Variants in YTHDC1 observed in about 807,000 individuals in gnomAD.
YTHDC1 encodes the protein YTH N6-methyladenosine RNA binding protein C1.
YTHDC1 carries 12 observed loss-of-function variants against 107.0 expected under a neutral mutation model. The ratio of observed to expected loss-of-function variants is 0.11; its 90% CI spans 0.07 to 0.18. The LOEUF (loss-of-function observed/expected upper bound fraction) is 0.18, where lower values mean the gene tolerates loss of function less well. Among genes scored for constraint, YTHDC1 ranks in the 10% least tolerant of loss-of-function variants. The pLI is 1.00. For synonymous variants in YTHDC1, 280 were observed against 289.5 expected (o/e 0.97, Z 0.33); for missense variants, 635 against 898.8 (o/e 0.71, Z 3.75).
At position 68,337,841 on chromosome 4, in the gene YTHDC1, C is replaced by A; in HGVS notation, c.190G>T (p.Val64Phe). The change falls in exon 3 of 17, where the codon GTC becomes TTC. Residue 64 changes from valine to phenylalanine, a missense_variant. Around this residue, in one of 5 missense-constraint regions of YTHDC1, gnomAD observed 294 missense variants for 312.3 expected, o/e 0.94. Coordinates refer to ENST00000344157, the MANE Select transcript of YTHDC1 (RefSeq NM_001031732.4). ...TTAGAAACCAGTTGTCTAGAATGGA[C>A]AGAAGGCTTTTGTCGTTTGGTATCA... ...STDTKRQKPSVHSRQLVSKPL... is the reference protein window; with the variant it reads ...STDTKRQKPSFHSRQLVSKPL... 1 of 1,613,444 alleles carries A rather than the reference C, an allele frequency of 6.2e-7. No homozygotes were observed. Among genetic ancestry groups the A allele is most frequent in the Non-Finnish European group, 8.5e-7 (1 of 1,179,968 alleles).
intron 4 of YTHDC1, among the ~76,000 whole-genome samples, chr4:68,334,518 A>G (rs1723938792): frequency 6.6e-6 from 1 of 152,178 alleles, no homozygotes; most frequent in African/African-American, 2.4e-5. Flanking sequence ...TTGAGCAAGT[A>G]GAAAGGATGT....
At chr4:68,333,581 G>A (rs980015342) in intron 4 of YTHDC1, among the ~76,000 whole-genome samples, 184 bp from the exon 5 acceptor site, 3 of 151,974 alleles carry the variant, frequency 2.0e-5, no homozygotes, top group African/African-American at 4.8e-5. Flanking sequence ...AAAAGTACGG[G>A]CATCTTGTTT....
At chr4:68,327,393 G>A (rs1018646352) in intron 9 of YTHDC1, among the ~76,000 whole-genome samples, 10 of 147,970 alleles carry the variant, frequency 6.8e-5, no homozygotes, top group Non-Finnish European at 1.0e-4. Context: ...ATTACAGGTG[G>A]CAACCTTAAT....
At chr4:68,348,217 T>C (rs1351443003) in intron 1 of YTHDC1, among the ~76,000 whole-genome samples, 1 of 152,216 alleles carries the variant, frequency 6.6e-6, no homozygotes, top group Non-Finnish European at 1.5e-5. Flanking sequence ...TAACGACTTG[T>C]AAATATTTTC....
Position 68,322,505 on chromosome 4 carries a change from A to G in YTHDC1, c.1601+244T>C. The G allele has an allele frequency of 2.1e-6, 1 of 485,338 alleles. No homozygotes were observed. 30.1% of individuals were successfully genotyped at this position (485,338 alleles called of 1,614,324 possible). A position where few individuals can be genotyped will look rare whatever the true frequency, so the allele number is the denominator to read the frequency against. On this transcript the variant is annotated intron_variant, in intron 11 of 16. Coordinates refer to ENST00000344157, the MANE Select transcript of YTHDC1 (RefSeq NM_001031732.4). This position sits in a 1 kb window ranked among gnomAD's most constrained non-coding sequence, Gnocchi z 4.8. ...TATTATCAGAGTATTATCTAATCTA[A>G]ACTGGTTATCACTGGTTATACTTTT...
At position 68,337,044 on chromosome 4, in the gene YTHDC1, G is replaced by A; in HGVS notation, c.866C>T (p.Ser289Leu). ...AGTAGTACCTGATCCATCTGTGCCT[G>A]AACCAGATCTGACAGACCCATCTGT... ...SFTDGSVRSG[S>L]GTDGSDEKKK... The change falls in exon 4 of 17, where the codon TCA becomes TTA. Residue 289 changes from serine (S) to leucine (L), a missense_variant. This residue lies in a region of YTHDC1 where 294 missense variants were observed against 312.3 expected (regional missense o/e 0.94). Coordinates refer to ENST00000344157, the MANE Select transcript of YTHDC1 (RefSeq NM_001031732.4). 1 of 1,611,966 alleles carries A rather than the reference G, an allele frequency of 6.2e-7. No homozygotes were observed.
rs564788386 is a variant in YTHDC1 at position 68,333,127 on chromosome 4, TAACAG to T, written c.973+176_973+180del. ...AAAAGTGAAAATTCCACTTAAGCAGTAACAGAACAGGATTAAAATAATAAGAAAAA... is the reference window on the plus strand; with the variant it reads ...AAAAGTGAAAATTCCACTTAAGCAGTAACAGGATTAAAATAATAAGAAAAA... On this transcript the variant is annotated intron_variant, in intron 5 of 16. Coordinates refer to ENST00000344157, the MANE Select transcript of YTHDC1 (RefSeq NM_001031732.4). 1.4e-4 allele frequency among the ~76,000 whole-genome samples: 21 copies of T among 152,220 alleles called. No homozygotes were observed. In the South Asian group the frequency reaches 3.9e-3, roughly 29 times the overall value.
chr4:68,333,699 A>T (rs1001018962), intron 4 of YTHDC1, among the ~76,000 whole-genome samples: 1 of 152,104 alleles, frequency 6.6e-6, no homozygotes, highest in African/African-American at 2.4e-5. Context: ...CGGGGGGGGA[A>T]ATTTGCAAAG....
intron 1 of YTHDC1, 54 bp downstream of exon 1, chr4:68,349,672 C>A: frequency 1.6e-6 from 2 of 1,218,372 alleles, no homozygotes; most frequent in South Asian, 2.4e-5. Context: ...TGCTCCATCA[C>A]CCCACTCCCG....
chr4:68,340,655 A>G (rs1724711163), intron 1 of YTHDC1, among the ~76,000 whole-genome samples: 2 of 152,130 alleles, frequency 1.3e-5, no homozygotes, highest in Non-Finnish European at 2.9e-5. Context: ...TAGATCCAAC[A>G]GGTCTTCACA....
chr4:68,337,911 C>T lies in YTHDC1; in HGVS notation c.131-11G>A. 1 of 1,572,232 alleles carries T rather than the reference C, an allele frequency of 6.4e-7. No homozygotes were observed. The highest frequency in any genetic ancestry group is 1.9e-5 in the Admixed American group (1 of 52,656). ...TTTTTCTTTTTGATCCTTTAAAATA[C>T]AATGTAAAAAAAAAAAAAAGAAGTA... is the stretch of plus-strand genomic sequence containing the variant. On this transcript the variant is annotated splice_polypyrimidine_tract_variant and intron_variant, in intron 2 of 16. Transcript: ENST00000344157.
At chr4:68,323,912 C>T (rs566789603) in intron 10 of YTHDC1, among the ~76,000 whole-genome samples, 20 of 152,248 alleles carry the variant, frequency 1.3e-4, no homozygotes, top group African/African-American at 4.6e-4. Flanking sequence ...GAAATATTTC[C>T]TTCAATTGTA....
intron 12 of YTHDC1, 115 bp from the exon 13 acceptor site, chr4:68,318,977 G>A: frequency 1.9e-6 from 2 of 1,069,148 alleles, no homozygotes; most frequent in South Asian, 1.4e-5. Flanking sequence ...TGTACTTTAA[G>A]TGATGCTACT....
rs550713512 is a variant in YTHDC1, at chr4:68,342,068, A to G, written c.29-3684T>C. ...ACAAAACAAAATTCCTTCTTCAACA[A>G]AACAGGTATGGTATATGCATACATG... is the stretch of plus-strand genomic sequence containing the variant. On this transcript the variant is annotated intron_variant, in intron 1 of 16. Coordinates refer to ENST00000344157, the MANE Select transcript of YTHDC1 (RefSeq NM_001031732.4). Among the ~76,000 whole-genome samples, 3 of 152,300 alleles carry G rather than the reference A, an allele frequency of 2.0e-5. No homozygotes were observed. In the South Asian group the frequency reaches 6.2e-4, roughly 32 times the overall value.
rs147599097 is a variant in YTHDC1, at chr4:68,333,326, C to T, written c.955G>A (p.Ala319Thr). ...PIVFDRSGSSASESYAGSEKK... is the reference protein window; with the variant it reads ...PIVFDRSGSSTSESYAGSEKK... ...AGAATACCTGCATATGACTCTGATG[C>T]AGAGCTTCCACTTCTATCAAAAACA... Residue 319 changes from alanine to threonine, a missense_variant, in exon 5 of 17, where the codon GCA (alanine) becomes ACA (threonine). Ala to Thr is a moderately conservative substitution (Grantham distance 58). Transcript: ENST00000344157. 1.9e-6 allele frequency: 3 copies of T among 1,612,424 alleles called. No homozygotes were observed. Among genetic ancestry groups the T allele is most frequent in the Non-Finnish European group, 2.5e-6 (3 of 1,178,902 alleles).
rs1296772574 is a variant in YTHDC1, at chr4:68,337,145, T to G, written c.765A>C (p.Arg255Ser). The change falls in exon 4 of 17, where the codon AGA becomes AGC. Residue 255 changes from arginine to serine, a missense_variant. By Grantham distance (110) the Arg-to-Ser change is moderately radical. Coordinates refer to ENST00000344157, the MANE Select transcript of YTHDC1 (RefSeq NM_001031732.4). ...EEEEEYEQDE[R>S]DQKEEGNDYD... ...AATCATTTCCCTCCTCTTTCTGGTC[T>G]CTCTCATCCTGTTCATATTCTTCTT... 6.2e-7 allele frequency: 1 copy of G among 1,613,900 alleles called. No homozygotes were observed. The highest frequency in any genetic ancestry group is 8.5e-7 in the Non-Finnish European group (1 of 1,179,992).
intron 1 of YTHDC1, among the ~76,000 whole-genome samples, chr4:68,347,108 A>G (rs1725534377): frequency 1.3e-5 from 2 of 152,218 alleles, no homozygotes; most frequent in Non-Finnish European, 2.9e-5. Context: ...GTATACAAAG[A>G]ACCCAGTGAA....
At chr4:68,347,062 C>G (rs142506386) in intron 1 of YTHDC1, among the ~76,000 whole-genome samples, 1 of 152,230 alleles carries the variant, frequency 6.6e-6, no homozygotes, top group Non-Finnish European at 1.5e-5. Flanking sequence ...TGAAGTCCAA[C>G]CTGGTAAATA....
Position 68,310,619 on chromosome 4 carries a change from GC to G in YTHDC1, c.*3479del, listed in dbSNP as rs1293807429. ...TAAGGAACTTGGGGACTAAACTTGA[GC>G]CAGTTCTTTCCTGTGTGCCTCAATT... On this transcript the variant is annotated 3_prime_UTR_variant, in exon 17 of 17. Coordinates refer to ENST00000344157, the MANE Select transcript of YTHDC1 (RefSeq NM_001031732.4). The G allele has an allele frequency of 6.6e-6, 1 of 152,182 alleles. No homozygotes were observed. Among genetic ancestry groups the G allele is most frequent in the African/African-American group, 2.4e-5 (1 of 41,426 alleles). The allele number at this position is 152,182 out of a possible 1,614,324, so 9.4% of individuals were successfully genotyped here.
Sources: allele counts gnomAD v4.1 joint callset (sites outside exome capture counted in the v4.1 genomes callset), GRCh38; gene constraint gnomAD v4.1.1; regional missense constraint gnomAD v4.1.1; non-coding constraint Gnocchi (gnomAD v3.1); transcripts MANE v1.5; gene names NCBI Gene and HGNC (gene_info 2026-07-23, HGNC 2026-07-21).